The following SENP5 variants were observed in gnomAD, a reference collection of about 807,000 sequenced individuals.
The protein encoded by SENP5 is sentrin-specific protease 5.
Under a neutral mutation model 74.2 loss-of-function variants are expected in SENP5, and 21 were observed. That is an observed-to-expected ratio of 0.28 (90% CI 0.20 to 0.41). The LOEUF (loss-of-function observed/expected upper bound fraction) is 0.41, where lower values mean the gene tolerates loss of function less well. Ranked by LOEUF, SENP5 falls within the 10% of genes least tolerant of loss-of-function variation. The pLI, the probability that SENP5 is intolerant of heterozygous loss-of-function variation, is 1.00. For missense variants in SENP5, 717 were observed against 889.1 expected, an observed-to-expected ratio of 0.81 and a Z score of 2.46; for synonymous variants, 311 against 312.7, an observed-to-expected ratio of 0.99 and a Z score of 0.06.
chr3:196,878,741 G>A (rs574723717), intron 1 of SENP5, among the ~76,000 whole-genome samples: 85 of 152,034 alleles, frequency 5.6e-4, no homozygotes, highest in African/African-American at 1.9e-3. Flanking sequence ...ATAGGTGCCC[G>A]CCACCATGTC....
chr3:196,916,223 A>G (rs924319860), intron 6 of SENP5, among the ~76,000 whole-genome samples: 2 of 152,076 alleles, frequency 1.3e-5, no homozygotes, highest in Non-Finnish European at 2.9e-5. Context: ...GCTATTCAGG[A>G]GGCTGAGGCA....
At chr3:196,884,345 T>C (rs1263675594) in intron 1 of SENP5, among the ~76,000 whole-genome samples, 1 of 152,182 alleles carries the variant, frequency 6.6e-6, no homozygotes, top group Non-Finnish European at 1.5e-5. Flanking sequence ...TACACACATA[T>C]ACTGCAGGAA....
chr3:196,909,963 G>T (rs1715054092), intron 6 of SENP5, among the ~76,000 whole-genome samples: 3 of 152,132 alleles, frequency 2.0e-5, no homozygotes, highest in Admixed American at 2.0e-4. Flanking sequence ...AAGTCAAATT[G>T]TCTCTTGCAG....
At chr3:196,914,586 A>AAAAAAAAAAAAT in intron 6 of SENP5, 7 of 33,496 alleles carry the variant, frequency 2.1e-4, no homozygotes, top group East Asian at 8.1e-4. Flanking sequence ...AAAAAAAAAA[A>AAAAAAAAAAAAT]ATATATATAT....
intron 1 of SENP5, among the ~76,000 whole-genome samples, chr3:196,882,325 A>G (rs1366220643): frequency 6.6e-6 from 1 of 152,040 alleles, no homozygotes. Context: ...ACCACCATTC[A>G]TCTCCAGGAA....
rs1714650253 is a variant in SENP5 at position 196,900,481 on chromosome 3, T to C, written c.1806+69T>C. The C allele has an allele frequency of 1.6e-5, 21 of 1,340,108 alleles. No individual in the cohort carries two copies. In the South Asian group the frequency reaches 2.3e-4, roughly 15 times the overall value. The allele number at this position is 1,340,108 out of a possible 1,614,324, so 83.0% of individuals were successfully genotyped here. ...TATTAAAATGAGTAGTTTTTTTGTT[T>C]TTACATTTGATGTAATTATCTGACA... is the stretch of plus-strand genomic sequence containing the variant. On this transcript the variant is annotated intron_variant, in intron 5 of 9. Coordinates refer to ENST00000323460, the MANE Select transcript of SENP5 (RefSeq NM_152699.5).
intron 5 of SENP5, among the ~76,000 whole-genome samples, chr3:196,902,248 C>T (rs182186721): frequency 8.8e-4 from 134 of 152,362 alleles, no homozygotes; most frequent in Middle Eastern, 3.4e-3. Context: ...TCCCAGGTAG[C>T]TGGGACTAGA....
rs1713096186 is a variant in SENP5, at chr3:196,869,269, TTTCA to T, written c.-32+1197_-32+1200del. ...AGCCTGGAGTGCAGTGGCGCGATCTTTTCAGCTCACTGCAACCTCCTCCTCCCAG... is the reference window on the plus strand; with the variant it reads ...AGCCTGGAGTGCAGTGGCGCGATCTTGCTCACTGCAACCTCCTCCTCCCAG... On this transcript the variant is annotated intron_variant, in intron 1 of 9. Coordinates refer to ENST00000323460, the MANE Select transcript of SENP5 (RefSeq NM_152699.5). Among the ~76,000 whole-genome samples the T allele has an allele frequency of 5.9e-5, 9 of 152,018 alleles. 1 individual carries two copies. The South Asian group carries it at 1.9e-3, about 32-fold the overall frequency.
chr3:196,925,723 A>G (rs1397324709), intron 7 of SENP5, among the ~76,000 whole-genome samples: 5 of 152,226 alleles, frequency 3.3e-5, no homozygotes, highest in Admixed American at 1.3e-4. Flanking sequence ...ATTTTGAATC[A>G]TTAGGGCCTG....
chr3:196,926,605 GT>G (rs1715821566), intron 7 of SENP5, among the ~76,000 whole-genome samples: 1 of 147,302 alleles, frequency 6.8e-6, no homozygotes, highest in Non-Finnish European at 1.5e-5. Flanking sequence ...CTTTCATCAT[GT>G]TTTTTCTTCT....
At chr3:196,872,452 C>CA (rs1713258118) in intron 1 of SENP5, among the ~76,000 whole-genome samples, 1 of 152,098 alleles carries the variant, frequency 6.6e-6, no homozygotes, top group Non-Finnish European at 1.5e-5. Flanking sequence ...AGTCTGGCTT[C>CA]TATACTTAGG....
chr3:196,930,297 A>G (rs1216595477), intron 9 of SENP5, among the ~76,000 whole-genome samples: 3 of 152,198 alleles, frequency 2.0e-5, no homozygotes, highest in Admixed American at 2.0e-4. Flanking sequence ...GCTGCACTCC[A>G]GCAGGTTGCA....
chr3:196,930,989 A>C lies in SENP5; in HGVS notation c.*66A>C. The C allele has an allele frequency of 8.2e-6, 8 of 975,150 alleles. No individual in the cohort carries two copies. The South Asian group carries it at 9.2e-5, about 11-fold the overall frequency. 60.4% of individuals were successfully genotyped at this position (975,150 alleles called of 1,614,324 possible). The stretch of plus-strand genomic sequence containing the variant: ...AGATGGTTTGTTACTTGAATCTCCA[A>C]ACACTTAGTTGAATTTTTACAGATA... On this transcript the variant is annotated 3_prime_UTR_variant, in exon 10 of 10. Coordinates refer to ENST00000323460, the MANE Select transcript of SENP5 (RefSeq NM_152699.5).
At chr3:196,880,366 C>T (rs1713670298) in intron 1 of SENP5, among the ~76,000 whole-genome samples, 1 of 152,210 alleles carries the variant, frequency 6.6e-6, no homozygotes, top group African/African-American at 2.4e-5. Context: ...CAGGTGTGCA[C>T]CACTGTACCT....
At position 196,886,441 on chromosome 3, in the gene SENP5, A is replaced by G. The variant is rs1560143783; in HGVS notation, c.1260A>G (p.Thr420=). 6.2e-7 allele frequency: 1 copy of G among 1,610,342 alleles called. No homozygotes were observed. The highest frequency in any genetic ancestry group is 8.5e-7 in the Non-Finnish European group (1 of 1,177,724). ...AACTGTCAGTGTCTGGAGCAGATAC[A>G]TCTGTGAGTAGCGTAGATGGGCCTG... ...RVKLSVSGAD[T]SVSSVDGPVS... Residue 420 remains threonine (T), a synonymous_variant, in exon 2 of 10, where the codon ACA becomes ACG. Coordinates refer to ENST00000323460, the MANE Select transcript of SENP5 (RefSeq NM_152699.5).
intron 6 of SENP5, among the ~76,000 whole-genome samples, chr3:196,906,082 T>C (rs1396457659): frequency 1.3e-5 from 2 of 152,118 alleles, no homozygotes; most frequent in Non-Finnish European, 2.9e-5. Context: ...TAGCTGGGTA[T>C]GGTGGCATGT....
intron 1 of SENP5, among the ~76,000 whole-genome samples, chr3:196,882,475 A>T (rs1462319971): frequency 6.6e-6 from 1 of 152,010 alleles, no homozygotes; most frequent in Non-Finnish European, 1.5e-5. Context: ...TTATCCCTAG[A>T]CATCTGGTGA....
At chr3:196,874,247 A>G (rs1175101885) in intron 1 of SENP5, among the ~76,000 whole-genome samples, 1 of 150,922 alleles carries the variant, frequency 6.6e-6, no homozygotes. Flanking sequence ...GTCTTTATCC[A>G]GAAGTAAAGT....
chr3:196,872,257 A>G (rs1021155163), intron 1 of SENP5, among the ~76,000 whole-genome samples: 1 of 152,234 alleles, frequency 6.6e-6, no homozygotes, highest in Non-Finnish European at 1.5e-5. Context: ...CAGTATGAAC[A>G]TACAGCAGCA....
Sources: gnomAD v4.1 joint callset for allele counts (sites outside exome capture counted in the v4.1 genomes callset) on GRCh38, gnomAD v4.1.1 for gene constraint, MANE v1.5 for transcripts, NCBI Gene and HGNC (gene_info 2026-07-23, HGNC 2026-07-21) for gene names.